MRTFB: variants seen among roughly 807,000 people sequenced by gnomAD.
The protein encoded by MRTFB is myocardin-related transcription factor B.
MRTFB carries 29 observed loss-of-function variants against 104.2 expected under a neutral mutation model. That is an observed-to-expected ratio of 0.28 (90% CI 0.21 to 0.38). The LOEUF (loss-of-function observed/expected upper bound fraction) is 0.38, where lower values mean the gene tolerates loss of function less well. Ranked by LOEUF, MRTFB falls within the 10% of genes least tolerant of loss-of-function variation. MRTFB has a pLI of 1.00. For synonymous variants in MRTFB, 535 were observed against 519.5 expected, an observed-to-expected ratio of 1.03 and a Z score of -0.41; for missense variants, 1,270 against 1,341.6, an observed-to-expected ratio of 0.95 and a Z score of 0.83.
intron 2 of MRTFB, among the ~76,000 whole-genome samples, chr16:14,140,306 T>C (rs1035106681): frequency 1.3e-5 from 2 of 152,210 alleles, no homozygotes; most frequent in Non-Finnish European, 2.9e-5. Flanking sequence ...TAATCTGTGG[T>C]ATTAAAAAAT....
chr16:14,109,555 A>T (rs751744102), intron 2 of MRTFB, among the ~76,000 whole-genome samples: 10 of 152,162 alleles, frequency 6.6e-5, no homozygotes, highest in African/African-American at 9.7e-5. Context: ...GTCCACTCTA[A>T]ATAGCTATTT....
intron 3 of MRTFB, among the ~76,000 whole-genome samples, chr16:14,209,877 T>C (rs1343739262): frequency 1.3e-5 from 2 of 152,218 alleles, no homozygotes; most frequent in African/African-American, 4.8e-5. Context: ...AAAACTAAGA[T>C]GTGTCAAAGA....
chr16:14,022,131 C>T, the MRTFB span, among the ~76,000 whole-genome samples: 62,568 of 151,996 alleles, frequency 0.41, 13,709 homozygotes, highest in Admixed American at 0.5. Flanking sequence ...TTTAATCACA[C>T]CTGCAAAATC....
At chr16:14,244,044 A>AT (rs2042907264) in intron 10 of MRTFB, among the ~76,000 whole-genome samples, 2 of 151,684 alleles carry the variant, frequency 1.3e-5, no homozygotes, top group South Asian at 2.1e-4. Context: ...CGCCTGGCTA[A>AT]TTTTTTGTAT....
chr16:14,093,967 C>A (rs1328931341), intron 2 of MRTFB, among the ~76,000 whole-genome samples: 1 of 152,170 alleles, frequency 6.6e-6, no homozygotes, highest in African/African-American at 2.4e-5. Flanking sequence ...TGAAATGATT[C>A]TATTTTTTAA....
intron 9 of MRTFB, among the ~76,000 whole-genome samples, chr16:14,237,030 C>T (rs949868459): frequency 1.4e-4 from 22 of 152,160 alleles, no homozygotes; most frequent in Non-Finnish European, 3.1e-4. Flanking sequence ...TTGCAGTTGC[C>T]ACGTCCTGTA....
intron 10 of MRTFB, chr16:14,240,775 A>G (rs896341048): frequency 1.3e-6 from 1 of 763,764 alleles, no homozygotes; most frequent in Non-Finnish European, 2.4e-6. Context: ...AAATAGTACT[A>G]GATGCTCTGA....
chr16:14,219,445 C>A (rs897404811), intron 8 of MRTFB, among the ~76,000 whole-genome samples: 4 of 152,094 alleles, frequency 2.6e-5, no homozygotes, highest in Admixed American at 6.5e-5. Flanking sequence ...TTTTTCTCTC[C>A]TTATAGTGCT....
At chr16:14,096,944 C>G (rs977020973) in intron 2 of MRTFB, among the ~76,000 whole-genome samples, 1 of 152,222 alleles carries the variant, frequency 6.6e-6, no homozygotes, top group African/African-American at 2.4e-5. Flanking sequence ...ACTTAGGTTT[C>G]AAGACATACC....
At chr16:14,110,790 C>T (rs550596196) in intron 2 of MRTFB, among the ~76,000 whole-genome samples, 2 of 152,310 alleles carry the variant, frequency 1.3e-5, no homozygotes, top group Admixed American at 1.3e-4. Flanking sequence ...ACATCATCCT[C>T]TTGCCTTCCA....
chr16:13,999,740 T>C, the MRTFB span, among the ~76,000 whole-genome samples: 1 of 152,084 alleles, frequency 6.6e-6, no homozygotes, highest in African/African-American at 2.4e-5. Flanking sequence ...AGCCCCAGGA[T>C]CGAGCCTCGC....
chr16:14,157,497 G>A (rs959169079), intron 3 of MRTFB, among the ~76,000 whole-genome samples: 1 of 152,124 alleles, frequency 6.6e-6, no homozygotes, highest in African/African-American at 2.4e-5. Context: ...TTCCCACCTT[G>A]GTTCACAGGG....
At chr16:14,060,389 G>A in the MRTFB span, among the ~76,000 whole-genome samples, 1 of 152,180 alleles carries the variant, frequency 6.6e-6, no homozygotes, top group Admixed American at 6.5e-5. Context: ...GAATGGATTC[G>A]CCAGGAAACA....
At chr16:13,995,276 T>C in the MRTFB span, among the ~76,000 whole-genome samples, 1 of 152,190 alleles carries the variant, frequency 6.6e-6, no homozygotes, top group Non-Finnish European at 1.5e-5. Context: ...TCTTCTAAGG[T>C]CTGATACCAT....
rs547700984 is a variant in MRTFB, at chr16:14,141,271, T to C, written c.154+511T>C. 3.9e-5 allele frequency: 6 copies of C among 152,836 alleles called. No individual in the cohort carries two copies. The East Asian group carries it at 1.2e-3, about 29-fold the overall frequency. 9.5% of individuals were successfully genotyped at this position (152,836 alleles called of 1,614,324 possible). A position where few individuals can be genotyped will look rare whatever the true frequency, so the allele number is the denominator to read the frequency against. On this transcript the variant is annotated intron_variant, in intron 3 of 16. Coordinates refer to ENST00000571589, the MANE Select transcript of MRTFB (RefSeq NM_001308142.2). ...AGTCTTTGGCTGCCTCATCTTTGTC[T>C]ACAAAATGAATATTTTCTATTCATT...
the MRTFB span, among the ~76,000 whole-genome samples, chr16:14,055,908 GA>G: frequency 6.6e-6 from 1 of 152,008 alleles, no homozygotes; most frequent in South Asian, 2.1e-4. Flanking sequence ...CTTACCTGCA[GA>G]AATTTCTACT....
intron 10 of MRTFB, among the ~76,000 whole-genome samples, chr16:14,243,244 TTTAAC>T (rs2042855313): frequency 6.6e-6 from 1 of 152,236 alleles, no homozygotes; most frequent in Non-Finnish European, 1.5e-5. Context: ...ATTTCAATTA[TTTAAC>T]TTCAACAAAA....
intron 2 of MRTFB, among the ~76,000 whole-genome samples, chr16:14,132,413 G>A (rs2037486923): frequency 6.6e-6 from 1 of 151,996 alleles, no homozygotes; most frequent in African/African-American, 2.4e-5. Context: ...CTTTAAGATG[G>A]TTAAGAACCC....
intron 8 of MRTFB, among the ~76,000 whole-genome samples, chr16:14,219,702 C>T (rs550981629): frequency 7.2e-5 from 11 of 152,244 alleles, no homozygotes; most frequent in South Asian, 4.1e-4. Context: ...CATTCATGAC[C>T]ATTGATTTGT....
Sources: allele counts gnomAD v4.1 joint callset (sites outside exome capture counted in the v4.1 genomes callset), GRCh38; gene constraint gnomAD v4.1.1; transcripts MANE v1.5; gene names NCBI Gene and HGNC (gene_info 2026-07-23, HGNC 2026-07-21).